The following PDSS2 variants were observed in gnomAD, a reference collection of about 807,000 sequenced individuals.
PDSS2 encodes all trans-polyprenyl-diphosphate synthase PDSS2.
Under a neutral mutation model 44.5 loss-of-function variants are expected in PDSS2, and 31 were observed. The ratio of observed to expected loss-of-function variants is 0.70; its 90% CI spans 0.52 to 0.94. The LOEUF is 0.94. Ranked by LOEUF, PDSS2 falls within the 40% of genes least tolerant of loss-of-function variation. The pLI, the probability that PDSS2 is intolerant of heterozygous loss-of-function variation, is 0.00. For synonymous variants in PDSS2, 157 were observed against 180.3 expected (o/e 0.87, Z 1.03); for missense variants, 452 against 482.2 (o/e 0.94, Z 0.59).
chr6:107,367,521 C>T (rs532984375), intron 1 of PDSS2, among the ~76,000 whole-genome samples: 18 of 152,266 alleles, frequency 1.2e-4, no homozygotes, highest in African/African-American at 4.3e-4. Context: ...CAGTGGCTCA[C>T]GCCTGTAATC....
intron 1 of PDSS2, among the ~76,000 whole-genome samples, chr6:107,446,656 C>T (rs923149678): frequency 2.0e-5 from 3 of 152,136 alleles, no homozygotes; most frequent in African/African-American, 7.2e-5. Flanking sequence ...AGGAAACTTA[C>T]AATCATGGCC....
intron 1 of PDSS2, among the ~76,000 whole-genome samples, chr6:107,339,023 CGTAA>C (rs1777997484): frequency 6.6e-6 from 1 of 151,988 alleles, no homozygotes; most frequent in Admixed American, 6.6e-5. Context: ...TGAGCCAGGC[CGTAA>C]GTATTACTTT....
chr6:107,449,037 G>A (rs982745698), intron 1 of PDSS2, among the ~76,000 whole-genome samples: 6 of 152,300 alleles, frequency 3.9e-5, no homozygotes, highest in African/African-American at 1.2e-4. Flanking sequence ...AGATTTGGGT[G>A]GGGACACAGC....
intron 2 of PDSS2, among the ~76,000 whole-genome samples, chr6:107,329,499 C>G (rs1024278822): frequency 6.6e-6 from 1 of 152,158 alleles, no homozygotes; most frequent in Non-Finnish European, 1.5e-5. Flanking sequence ...GTTCACAGGG[C>G]ATTCTCCCTG....
At chr6:107,392,797 CAA>C (rs1187787078) in intron 1 of PDSS2, among the ~76,000 whole-genome samples, 2 of 152,092 alleles carry the variant, frequency 1.3e-5, no homozygotes, top group Non-Finnish European at 2.9e-5. Context: ...GAAGTACAAG[CAA>C]ACTTTGGATT....
chr6:107,156,445 C>T (rs1770901156), intron 7 of PDSS2, among the ~76,000 whole-genome samples: 2 of 151,998 alleles, frequency 1.3e-5, no homozygotes, highest in South Asian at 2.1e-4. Context: ...CCGCCCACCT[C>T]GGCCTCCCAA....
intron 1 of PDSS2, among the ~76,000 whole-genome samples, chr6:107,436,782 C>A (rs1379591971): frequency 1.3e-5 from 2 of 151,986 alleles, no homozygotes; most frequent in Admixed American, 1.3e-4. Flanking sequence ...TGCTAATTAC[C>A]CTGATCTGAT....
intron 4 of PDSS2, among the ~76,000 whole-genome samples, chr6:107,223,811 A>G (rs972174951): frequency 6.7e-6 from 1 of 148,502 alleles, no homozygotes; most frequent in Non-Finnish European, 1.5e-5. Context: ...AAGCCCTTTA[A>G]TATTATCCAT....
intron 3 of PDSS2, 98 bp from the exon 4 acceptor site, chr6:107,245,717 T>C: frequency 1.3e-6 from 1 of 748,118 alleles, no homozygotes; most frequent in Non-Finnish European, 2.2e-6. Flanking sequence ...GGCAGAATTT[T>C]TCTGTGCTTG....
rs778880392 is a variant in PDSS2, at chr6:107,267,761, G to GT, written c.630+6267dup. On this transcript the variant is annotated intron_variant, in intron 3 of 7. Transcript: ENST00000369037. The stretch of plus-strand genomic sequence containing the variant: ...CCACCATGCCTGTTTTTTGTTTTTT[G>GT]TTTTTTTTTTCTGTAGAGACAGGGT... Among the ~76,000 whole-genome samples, 699 of 145,452 alleles carry GT rather than the reference G, an allele frequency of 4.8e-3. 1 individual carries two copies. The highest frequency in any genetic ancestry group is 0.014 in the Middle Eastern group (4 of 286).
intron 1 of PDSS2, among the ~76,000 whole-genome samples, chr6:107,338,689 G>A (rs186155972): frequency 1.3e-3 from 203 of 152,174 alleles, no homozygotes; most frequent in African/African-American, 3.8e-3. Context: ...GGGCAGGGAC[G>A]AAAAAGTGTT....
At chr6:107,244,077 G>T (rs369594173) in intron 4 of PDSS2, among the ~76,000 whole-genome samples, 5 of 152,152 alleles carry the variant, frequency 3.3e-5, no homozygotes, top group African/African-American at 1.2e-4. Flanking sequence ...GTGGTGAGCC[G>T]AGATCGTGCC....
chr6:107,349,150 A>C (rs1321831833), intron 1 of PDSS2, among the ~76,000 whole-genome samples: 2 of 152,218 alleles, frequency 1.3e-5, no homozygotes, highest in South Asian at 2.1e-4. Context: ...ATTACAAATA[A>C]GGCCGGGTGC....
intron 1 of PDSS2, among the ~76,000 whole-genome samples, chr6:107,419,727 G>A (rs1780767624): frequency 6.6e-6 from 1 of 152,138 alleles, no homozygotes; most frequent in Non-Finnish European, 1.5e-5. Flanking sequence ...ATGTTTGTGA[G>A]CAAATGTATA....
intron 2 of PDSS2, among the ~76,000 whole-genome samples, chr6:107,289,470 TG>T (rs1248239239): frequency 6.6e-6 from 1 of 150,422 alleles, no homozygotes; most frequent in Non-Finnish European, 1.5e-5. Context: ...GAGGACAAGG[TG>T]GGTGGATTGC....
rs542516469 is a variant in PDSS2 at position 107,367,649 on chromosome 6, G to A, written c.297-33317C>T. 2.6e-5 allele frequency among the ~76,000 whole-genome samples: 4 copies of A among 152,090 alleles called. No homozygotes were observed. The South Asian group carries it at 6.2e-4, about 24-fold the overall frequency. ...AAATACAAAAAAATTAGCCAGGTGC[G>A]GTGGCGGGCAAGTGTAATCCCAGCT... On this transcript the variant is annotated intron_variant, in intron 1 of 7. Transcript: ENST00000369037.
At chr6:107,379,742 CTTTGT>C (rs1199093186) in intron 1 of PDSS2, among the ~76,000 whole-genome samples, 4 of 151,766 alleles carry the variant, frequency 2.6e-5, no homozygotes, top group Non-Finnish European at 5.9e-5. Context: ...TTATTCATGT[CTTTGT>C]TTTTAGCTTT....
chr6:107,368,257 G>A (rs559162803), intron 1 of PDSS2, among the ~76,000 whole-genome samples: 2 of 136,900 alleles, frequency 1.5e-5, no homozygotes, highest in Non-Finnish European at 3.1e-5. Flanking sequence ...GACAGAGCGA[G>A]ACTCGTCTCA....
At chr6:107,248,455 A>T (rs2114818487) in intron 3 of PDSS2, among the ~76,000 whole-genome samples, 1 of 151,850 alleles carries the variant, frequency 6.6e-6, no homozygotes, top group South Asian at 2.1e-4. Context: ...AAAAAAAAAA[A>T]GAAGGTTCAA....
Sources: allele counts gnomAD v4.1 joint callset (sites outside exome capture counted in the v4.1 genomes callset), GRCh38; gene constraint gnomAD v4.1.1; transcripts MANE v1.5; gene names NCBI Gene and HGNC (gene_info 2026-07-23, HGNC 2026-07-21).